The following RXRA variants were observed in gnomAD, a reference collection of about 807,000 sequenced individuals.
The protein encoded by RXRA is retinoid X receptor alpha.
In RXRA, 5 loss-of-function variants were observed where a neutral mutation model predicts 44.5. The observed-to-expected ratio is 0.11, with a 90% CI of 0.06 to 0.24. The LOEUF (loss-of-function observed/expected upper bound fraction) is 0.24, where lower values mean the gene tolerates loss of function less well. Among genes scored for constraint, RXRA ranks in the 10% least tolerant of loss-of-function variants. RXRA has a pLI of 1.00. For synonymous variants in RXRA, 291 were observed against 271.4 expected, an observed-to-expected ratio of 1.07 and a Z score of -0.71; for missense variants, 412 against 646.5, an observed-to-expected ratio of 0.64 and a Z score of 3.93.
Position 134,426,722 on chromosome 9 carries a change from T to G in RXRA, c.911-2386T>G. 3.0e-6 allele frequency: 3 copies of G among 985,322 alleles called. No individual in the cohort carries two copies. The highest frequency in any genetic ancestry group is 3.6e-6 in the Non-Finnish European group (3 of 829,894). 61.0% of individuals were successfully genotyped at this position (985,322 alleles called of 1,614,324 possible). On this transcript the variant is annotated intron_variant, in intron 6 of 9. Transcript: ENST00000481739. This position sits in a 1 kb window ranked among gnomAD's most constrained non-coding sequence, Gnocchi z 4.6. ...GGGCAGTGGGAGGGGAGGTGGCCAC[T>G]GCTCAGGTAAACCCCCAGGCCTGCA...
chr9:134,348,828 G>A (rs1056354782), intron 1 of RXRA, among the ~76,000 whole-genome samples: 8 of 152,306 alleles, frequency 5.3e-5, no homozygotes, highest in African/African-American at 1.2e-4. Flanking sequence ...GGGTGAAACC[G>A]GGCCTGGGGT....
chr9:134,398,489 C>G (rs1227828699), intron 1 of RXRA, among the ~76,000 whole-genome samples: 1 of 151,984 alleles, frequency 6.6e-6, no homozygotes, highest in Non-Finnish European at 1.5e-5. Context: ...AAAACACACC[C>G]AGCCTATTGT....
At chr9:134,435,418 A>T (rs1165680943) in intron 9 of RXRA, among the ~76,000 whole-genome samples, 1 of 18,788 alleles carries the variant, frequency 5.3e-5, no homozygotes, top group Non-Finnish European at 1.0e-4. Flanking sequence ...TCCCTGCCCC[A>T]GGAAACTCCC....
intron 1 of RXRA, among the ~76,000 whole-genome samples, chr9:134,358,128 G>A (rs1046248661): frequency 6.6e-6 from 1 of 152,256 alleles, no homozygotes; most frequent in Non-Finnish European, 1.5e-5. Context: ...TGCTGGGTGT[G>A]CCACCCAGGC....
At position 134,417,137 on chromosome 9, in the gene RXRA, C is replaced by T. The variant is rs1219909098; in HGVS notation, c.611-21C>T. 2.5e-6 allele frequency: 4 copies of T among 1,603,252 alleles called. No individual in the cohort carries two copies. The highest frequency in any genetic ancestry group is 2.5e-6 in the Non-Finnish European group (3 of 1,176,672). On this transcript the variant is annotated intron_variant, in intron 4 of 9. Transcript: ENST00000481739. The surrounding 1 kb of genome is among the most constrained non-coding windows in gnomAD (Gnocchi z 6.1). ...CTGGCCGGGCTGAGCGTGGGGCTCA[C>T]CTGCGCCTCCCGGGTTGTAGCCGTG...
chr9:134,427,307 C>G, intron 6 of RXRA: 3 of 306,576 alleles, frequency 9.8e-6, no homozygotes, highest in Non-Finnish European at 1.4e-5. Context: ...TAAACCCCCG[C>G]CCCGGGGGAC....
intron 1 of RXRA, among the ~76,000 whole-genome samples, chr9:134,381,105 G>T (rs1414173661): frequency 6.6e-6 from 1 of 152,236 alleles, no homozygotes; most frequent in African/African-American, 2.4e-5. Flanking sequence ...GCTGCTGTCA[G>T]AGCCTGCGGT....
intron 2 of RXRA, chr9:134,405,711 G>A (rs1831039223): frequency 6.5e-6 from 1 of 152,692 alleles, no homozygotes; most frequent in Non-Finnish European, 1.5e-5. Context: ...GACCTGCAGA[G>A]TCATGGCCTG....
intron 1 of RXRA, among the ~76,000 whole-genome samples, chr9:134,341,723 C>T (rs1554748126): frequency 6.6e-6 from 1 of 152,162 alleles, no homozygotes; most frequent in East Asian, 1.9e-4. Context: ...TCCCGCCCTC[C>T]ATGGGGAGCA....
At chr9:134,347,403 G>C (rs2041140337) in intron 1 of RXRA, among the ~76,000 whole-genome samples, 2 of 152,368 alleles carry the variant, frequency 1.3e-5, no homozygotes, top group Non-Finnish European at 2.9e-5. Context: ...CCTGAGTGCA[G>C]CGCAGCTCCT....
rs976889125 is a variant in RXRA, at chr9:134,417,277, C to T, written c.730C>T (p.Pro244Ser). The T allele has an allele frequency of 1.2e-6, 2 of 1,613,858 alleles. No homozygotes were observed. The highest frequency in any genetic ancestry group is 1.7e-6 in the Non-Finnish European group (2 of 1,179,968). ...RILEAELAVE[P>S]KTETYVEANM... is the part of the protein sequence containing the mutation. ...CCTGGAGGCTGAGCTGGCCGTGGAG[C>T]CCAAGACCGAGACCTACGTGGAGGC... The change falls in exon 5 of 10, where the codon CCC becomes TCC. Residue 244 changes from proline to serine, a missense_variant. Pro to Ser is a moderately conservative substitution (Grantham distance 74). This residue lies in a region of RXRA where 67 missense variants were observed against 78.7 expected (regional missense o/e 0.85). Transcript: ENST00000481739. This position sits in a 1 kb window ranked among gnomAD's most constrained non-coding sequence, Gnocchi z 6.1.
At chr9:134,348,225 T>C (rs372599621) in intron 1 of RXRA, among the ~76,000 whole-genome samples, 10 of 152,148 alleles carry the variant, frequency 6.6e-5, no homozygotes, top group African/African-American at 2.2e-4. Flanking sequence ...GTGCATTGAA[T>C]GCCAGAGCTC....
At chr9:134,379,553 C>T (rs1406835297) in intron 1 of RXRA, 7 of 985,596 alleles carry the variant, frequency 7.1e-6, no homozygotes, top group East Asian at 1.1e-4. Flanking sequence ...CTTGGTGGCT[C>T]GGCCTCATGG....
At chr9:134,425,285 G>T (rs2119195548) in intron 6 of RXRA, 1 of 985,400 alleles carries the variant, frequency 1.0e-6, no homozygotes, top group Admixed American at 6.1e-5. Context: ...CCGTCCAGGA[G>T]GCCTTCAGAA....
chr9:134,425,864 C>T lies in RXRA; in HGVS notation c.911-3244C>T, dbSNP rs971055957. ...GTGTGGACTCATTTAACTCTCCAGA[C>T]CACCAGGAGTCGGTGTTATTACTGT... On this transcript the variant is annotated intron_variant, in intron 6 of 9. Coordinates refer to ENST00000481739, the MANE Select transcript of RXRA (RefSeq NM_002957.6). 2.4e-5 allele frequency: 24 copies of T among 984,774 alleles called. No individual in the cohort carries two copies. The African/African-American group carries it at 3.8e-4, about 16-fold the overall frequency. 61.0% of individuals were successfully genotyped at this position (984,774 alleles called of 1,614,324 possible).
chr9:134,386,260 C>T (rs1026332788), intron 1 of RXRA, among the ~76,000 whole-genome samples: 5 of 152,272 alleles, frequency 3.3e-5, no homozygotes, highest in Admixed American at 6.5e-5. Context: ...CTGAGCCCGC[C>T]GGCCAGCGGC....
intron 1 of RXRA, among the ~76,000 whole-genome samples, chr9:134,383,604 C>T (rs976733288): frequency 6.6e-6 from 1 of 152,176 alleles, no homozygotes; most frequent in African/African-American, 2.4e-5. Context: ...TCGCACCTCC[C>T]ACTCCCCGCC....
chr9:134,373,739 A>G (rs1830518366), intron 1 of RXRA, among the ~76,000 whole-genome samples: 1 of 152,232 alleles, frequency 6.6e-6, no homozygotes, highest in African/African-American at 2.4e-5. Context: ...CCACCTTGCC[A>G]CATTACCAGC....
chr9:134,394,901 G>T (rs946173404), intron 1 of RXRA, among the ~76,000 whole-genome samples: 1 of 151,978 alleles, frequency 6.6e-6, no homozygotes, highest in African/African-American at 2.4e-5. Flanking sequence ...CTCCTCCTGG[G>T]TGAGCGGATA....
Sources: gnomAD v4.1 joint callset for allele counts (sites outside exome capture counted in the v4.1 genomes callset) on GRCh38, gnomAD v4.1.1 for gene constraint, gnomAD v4.1.1 regional missense constraint, Gnocchi (gnomAD v3.1) non-coding constraint, MANE v1.5 for transcripts, NCBI Gene and HGNC (gene_info 2026-07-23, HGNC 2026-07-21) for gene names.